The following COMMD10 variants were observed in gnomAD, a reference collection of about 807,000 sequenced individuals.
COMMD10 encodes COMM domain-containing protein 10.
COMMD10 carries 33 observed loss-of-function variants against 28.9 expected under a neutral mutation model. The ratio of observed to expected loss-of-function variants is 1.14; its 90% CI spans 0.87 to 1.53. The LOEUF (loss-of-function observed/expected upper bound fraction) is 1.53, where lower values mean the gene tolerates loss of function less well. Ranked by LOEUF, COMMD10 falls within the 40% of genes most tolerant of loss-of-function variation. The pLI, the probability that COMMD10 is intolerant of heterozygous loss-of-function variation, is 0.00. For missense variants in COMMD10, 310 were observed against 233.4 expected, an observed-to-expected ratio of 1.33 and a Z score of -2.14; for synonymous variants, 110 against 81.7, an observed-to-expected ratio of 1.35 and a Z score of -1.87.
At chr5:116,266,869 A>G (rs1316322159) in intron 5 of COMMD10, among the ~76,000 whole-genome samples, 1 of 151,912 alleles carries the variant, frequency 6.6e-6, no homozygotes, top group Non-Finnish European at 1.5e-5. Flanking sequence ...CAATAGATGC[A>G]GAAAAGGCCT....
chr5:116,239,497 C>T (rs1231006634), intron 5 of COMMD10, among the ~76,000 whole-genome samples: 1 of 152,150 alleles, frequency 6.6e-6, no homozygotes, highest in Non-Finnish European at 1.5e-5. Flanking sequence ...AGCTTTGCCT[C>T]TCTTTGAGCA....
chr5:116,239,134 C>G (rs1173904563), intron 5 of COMMD10, among the ~76,000 whole-genome samples: 2 of 152,114 alleles, frequency 1.3e-5, no homozygotes, highest in East Asian at 3.9e-4. Flanking sequence ...AATTTATACT[C>G]AATTTAAACC....
rs570492349 is a variant in COMMD10 at position 116,244,401 on chromosome 5, A to G, written c.511-47116A>G. The stretch of plus-strand genomic sequence containing the variant: ...TTAATTCAGTAGGTATTTATTAGAA[A>G]TCTATGAGGTACCAACATCTATGTG... On this transcript the variant is annotated intron_variant, in intron 5 of 6. Coordinates refer to ENST00000274458, the MANE Select transcript of COMMD10 (RefSeq NM_016144.4). 7.2e-5 allele frequency among the ~76,000 whole-genome samples: 11 copies of G among 152,120 alleles called. No homozygotes were observed. The South Asian group carries it at 2.3e-3, about 32-fold the overall frequency.
At chr5:116,262,665 G>A (rs889029888) in intron 5 of COMMD10, among the ~76,000 whole-genome samples, 13 of 151,800 alleles carry the variant, frequency 8.6e-5, no homozygotes, top group Non-Finnish European at 1.9e-4. Flanking sequence ...AAGATTTTCA[G>A]TCTGAAGTGA....
chr5:116,139,946 T>C (rs1033672020), intron 5 of COMMD10, among the ~76,000 whole-genome samples: 2 of 151,756 alleles, frequency 1.3e-5, no homozygotes, highest in African/African-American at 4.8e-5. Flanking sequence ...CGATACAATA[T>C]CATTAATTAT....
chr5:116,141,835 AATTT>A (rs1251836159), intron 5 of COMMD10, among the ~76,000 whole-genome samples: 1 of 151,692 alleles, frequency 6.6e-6, no homozygotes, highest in African/African-American at 2.4e-5. Context: ...TACTTTACTG[AATTT>A]ATTTGTTCAT....
chr5:116,152,815 A>G (rs529975155), intron 5 of COMMD10, among the ~76,000 whole-genome samples: 1 of 152,204 alleles, frequency 6.6e-6, no homozygotes, highest in Non-Finnish European at 1.5e-5. Flanking sequence ...ATTTGATTCT[A>G]AAGTATAAGA....
chr5:116,093,231 A>C (rs189206827), intron 4 of COMMD10, among the ~76,000 whole-genome samples: 28 of 152,344 alleles, frequency 1.8e-4, no homozygotes, highest in Admixed American at 3.3e-4. Flanking sequence ...AGGCTTTTCA[A>C]GATGGCTGAC....
intron 5 of COMMD10, among the ~76,000 whole-genome samples, chr5:116,188,920 G>T (rs1748248974): frequency 6.6e-6 from 1 of 152,174 alleles, no homozygotes. Flanking sequence ...GTAAGCCACT[G>T]CACCCAGCCC....
At chr5:116,137,535 A>G (rs1005496174) in intron 5 of COMMD10, among the ~76,000 whole-genome samples, 2 of 151,996 alleles carry the variant, frequency 1.3e-5, no homozygotes, top group Non-Finnish European at 2.9e-5. Flanking sequence ...TACATATATT[A>G]AACTACTGGG....
At chr5:116,126,308 A>T (rs1442176209) in intron 4 of COMMD10, among the ~76,000 whole-genome samples, 1 of 152,242 alleles carries the variant, frequency 6.6e-6, no homozygotes, top group Non-Finnish European at 1.5e-5. Context: ...TTCCATGCTC[A>T]TGAATAGGAA....
intron 5 of COMMD10, among the ~76,000 whole-genome samples, chr5:116,204,248 A>G (rs7704576): frequency 0.37 from 56,839 of 151,980 alleles, 13,100 homozygotes; most frequent in African/African-American, 0.66. Flanking sequence ...AGCAAGTCCT[A>G]AGTGACCTAC....
intron 4 of COMMD10, 105 bp from the exon 5 acceptor site, chr5:116,133,963 G>C: frequency 2.9e-6 from 2 of 693,932 alleles, no homozygotes; most frequent in East Asian, 5.3e-5. Flanking sequence ...TTTCTGTGAA[G>C]CCTAGGCTAT....
At chr5:116,164,468 GGTTTAGAGAA>G (rs1753026822) in intron 5 of COMMD10, among the ~76,000 whole-genome samples, 1 of 152,114 alleles carries the variant, frequency 6.6e-6, no homozygotes, top group Non-Finnish European at 1.5e-5. Context: ...ATTTTTCATT[GGTTTAGAGAA>G]GTCTTCTCAG....
At chr5:116,186,075 C>G (rs150338048) in intron 5 of COMMD10, among the ~76,000 whole-genome samples, 7 of 152,208 alleles carry the variant, frequency 4.6e-5, no homozygotes, top group African/African-American at 1.7e-4. Flanking sequence ...TTTCCTCCAT[C>G]TTCATTATCT....
chr5:116,209,720 A>C (rs879664576), intron 5 of COMMD10, among the ~76,000 whole-genome samples: 13 of 152,130 alleles, frequency 8.5e-5, no homozygotes, highest in Non-Finnish European at 1.9e-4. Context: ...AAGTATTTTC[A>C]ATTAACTTTC....
At chr5:116,175,502 A>G (rs79308838) in intron 5 of COMMD10, among the ~76,000 whole-genome samples, 1,807 of 152,294 alleles carry the variant, frequency 0.012, 37 homozygotes, top group African/African-American at 0.04. Context: ...TAGAATTACC[A>G]TATGACCTAG....
At chr5:116,248,387 T>G (rs760304208) in intron 5 of COMMD10, among the ~76,000 whole-genome samples, 5 of 152,004 alleles carry the variant, frequency 3.3e-5, no homozygotes, top group Admixed American at 1.3e-4. Flanking sequence ...GTTAGGCATT[T>G]GTAAAGCAGG....
intron 1 of COMMD10, chr5:116,085,331 G>A (rs573946375): frequency 1.3e-5 from 7 of 557,544 alleles, no homozygotes; most frequent in Non-Finnish European, 2.2e-5. Context: ...GGCAGCTGAG[G>A]TCTGTACGGA....
Sources: allele counts gnomAD v4.1 joint callset (sites outside exome capture counted in the v4.1 genomes callset), GRCh38; gene constraint gnomAD v4.1.1; transcripts MANE v1.5; gene names NCBI Gene and HGNC (gene_info 2026-07-23, HGNC 2026-07-21).